Variants in NIPBL observed in about 807,000 individuals in gnomAD.
NIPBL encodes NIPBL cohesin loading factor.
Under a neutral mutation model 321.8 loss-of-function variants are expected in NIPBL, and 19 were observed. The observed-to-expected ratio is 0.06, with a 90% CI of 0.04 to 0.09. The LOEUF is 0.09. Ranked by LOEUF, NIPBL falls within the 10% of genes least tolerant of loss-of-function variation. The pLI, the probability that NIPBL is intolerant of heterozygous loss-of-function variation, is 1.00. For missense variants in NIPBL, 2,210 were observed against 3,327.0 expected (o/e 0.66, Z 8.26); for synonymous variants, 1,106 against 1,114.1 (o/e 0.99, Z 0.14).
At chr5:36,925,633 C>T (rs168662) in intron 1 of NIPBL, among the ~76,000 whole-genome samples, 80,722 of 151,942 alleles carry the variant, frequency 0.53, 22,475 homozygotes, top group African/African-American at 0.7. Context: ...TGAGGAAACC[C>T]TCAAAGAGAC....
At chr5:36,975,636 T>G in intron 8 of NIPBL, 140 bp from the exon 9 acceptor site, 1 of 832,550 alleles carries the variant, frequency 1.2e-6, no homozygotes, top group South Asian at 1.9e-5. Context: ...CTTTTCATCT[T>G]TCGTAAATAA....
At position 36,995,746 on chromosome 5, in the gene NIPBL, G is replaced by C; in HGVS notation, c.3246G>C (p.Lys1082Asn). 1 of 1,613,854 alleles carries C rather than the reference G, an allele frequency of 6.2e-7. No homozygotes were observed. Among genetic ancestry groups the C allele is most frequent in the Non-Finnish European group, 8.5e-7 (1 of 1,179,846 alleles). The change falls in exon 11 of 47, where the codon AAG (lysine) becomes AAC (asparagine). Residue 1082 changes from lysine (K) to asparagine (N), a missense_variant. By Grantham distance (94) the Lys-to-Asn change is moderately conservative. Transcript: ENST00000282516. ...NKRKRSTVNEKPKYAEISSDE... is the reference protein window; with the variant it reads ...NKRKRSTVNENPKYAEISSDE... ...GCAAGCGTAGCACAGTTAATGAAAA[G>C]CCAAAATATGCTGAAATCAGTTCAG...
chr5:36,941,782 A>G (rs887062923), intron 1 of NIPBL, among the ~76,000 whole-genome samples: 1 of 152,140 alleles, frequency 6.6e-6, no homozygotes, highest in Admixed American at 6.5e-5. Flanking sequence ...TTAAAAAATT[A>G]TTTTTCTAAT....
At chr5:37,011,552 C>CT (rs1748128157) in intron 21 of NIPBL, among the ~76,000 whole-genome samples, 1 of 152,100 alleles carries the variant, frequency 6.6e-6, no homozygotes, top group Non-Finnish European at 1.5e-5. Context: ...GAGAACCTGT[C>CT]TAAAAATGAA....
intron 8 of NIPBL, among the ~76,000 whole-genome samples, 183 bp downstream of exon 8, chr5:36,972,224 C>A (rs755721156): frequency 6.6e-6 from 1 of 151,986 alleles, no homozygotes; most frequent in Non-Finnish European, 1.5e-5. Context: ...TTCATTGATT[C>A]ATTTATCTTC....
In NIPBL at chr5:36,986,160, G is replaced by A. The variant is rs760771193; in HGVS notation, c.2980G>A (p.Asp994Asn). The change falls in exon 10 of 47, where the codon GAT becomes AAT. Residue 994 changes from aspartate (D) to asparagine (N), a missense_variant. Physicochemically the swap from Asp to Asn is conservative, Grantham distance 23 (BLOSUM62 1). Coordinates refer to ENST00000282516, the MANE Select transcript of NIPBL (RefSeq NM_133433.4). ...DKVEKIGLVE[D>N]LNKGAKPVVV... ...AGTAGAAAAAATAGGATTAGTTGAA[G>A]ATCTAAATAAAGGAGCTAAGCCTGT... 6.2e-7 allele frequency: 1 copy of A among 1,613,740 alleles called. No individual in the cohort carries two copies. The highest frequency in any genetic ancestry group is 8.5e-7 in the Non-Finnish European group (1 of 1,179,860).
intron 1 of NIPBL, among the ~76,000 whole-genome samples, chr5:36,908,637 G>A (rs1747822679): frequency 6.6e-6 from 1 of 151,712 alleles, no homozygotes; most frequent in Non-Finnish European, 1.5e-5. Flanking sequence ...AGAACTTTAG[G>A]CATTAAAAAA....
rs777676457 is a variant in NIPBL, at chr5:36,961,534, C to T, written c.409C>T (p.Pro137Ser). Residue 137 changes from proline to serine, a missense_variant, in exon 5 of 47, where the codon CCT (proline) becomes TCT (serine). Pro to Ser is a moderately conservative substitution (Grantham distance 74). Transcript: ENST00000282516. ...KLSQNSMHSSPASSNYQQTTI... is the reference protein window; with the variant it reads ...KLSQNSMHSSSASSNYQQTTI... ...TTCTCAGAATTCCATGCACAGTAGT[C>T]CTGCATCTTCCAATTATCAACAAAC... The T allele has an allele frequency of 1.2e-6, 2 of 1,612,208 alleles. No individual in the cohort carries two copies. The highest frequency in any genetic ancestry group is 4.5e-5 in the East Asian group (2 of 44,748).
intron 1 of NIPBL, among the ~76,000 whole-genome samples, chr5:36,914,074 C>T (rs1206413142): frequency 6.6e-6 from 1 of 152,136 alleles, no homozygotes; most frequent in Admixed American, 6.5e-5. Context: ...GAACATTAGT[C>T]CTCCACGGTG....
intron 6 of NIPBL, among the ~76,000 whole-genome samples, chr5:36,970,486 T>C (rs1742734409): frequency 6.6e-6 from 1 of 150,822 alleles, no homozygotes; most frequent in Non-Finnish European, 1.5e-5. Context: ...TAGATACATA[T>C]ATCATCTATA....
chr5:37,049,535 T>C (rs551875712), intron 40 of NIPBL, among the ~76,000 whole-genome samples: 1 of 152,346 alleles, frequency 6.6e-6, no homozygotes, highest in South Asian at 2.1e-4. Flanking sequence ...GCAGAACATA[T>C]ACTCAAATTA....
intron 42 of NIPBL, among the ~76,000 whole-genome samples, 185 bp from the exon 43 acceptor site, chr5:37,057,001 A>G (rs1416306888): frequency 7.2e-6 from 1 of 139,200 alleles, no homozygotes; most frequent in Non-Finnish European, 1.6e-5. Flanking sequence ...CCCCCTCTAT[A>G]TTTCTCTCCC....
intron 1 of NIPBL, among the ~76,000 whole-genome samples, chr5:36,895,051 A>C (rs887231085): frequency 5.9e-5 from 9 of 152,138 alleles, no homozygotes; most frequent in Non-Finnish European, 1.3e-4. Context: ...AAACTCAGTG[A>C]TTTTTAGTAT....
intron 1 of NIPBL, among the ~76,000 whole-genome samples, chr5:36,881,622 A>G (rs1180160047): frequency 6.6e-6 from 1 of 151,970 alleles, no homozygotes; most frequent in Non-Finnish European, 1.5e-5. Context: ...TCTGATTTAC[A>G]TTTGTTCTTA....
intron 1 of NIPBL, among the ~76,000 whole-genome samples, chr5:36,884,985 A>G (rs1745781389): frequency 6.6e-6 from 1 of 152,210 alleles, no homozygotes; most frequent in Non-Finnish European, 1.5e-5. Flanking sequence ...AGGCAGTATA[A>G]TTGGAGTAAG....
At chr5:36,990,070 G>A (rs1360782517) in intron 10 of NIPBL, among the ~76,000 whole-genome samples, 1 of 151,828 alleles carries the variant, frequency 6.6e-6, no homozygotes, top group African/African-American at 2.4e-5. Context: ...TGTGGACTCA[G>A]TGCTTTCAAG....
At chr5:36,906,023 C>T (rs1033701915) in intron 1 of NIPBL, among the ~76,000 whole-genome samples, 2 of 151,978 alleles carry the variant, frequency 1.3e-5, no homozygotes, top group African/African-American at 4.8e-5. Context: ...GGATTACAGG[C>T]GTGAGCCACT....
chr5:36,896,587 A>G (rs898804488), intron 1 of NIPBL, among the ~76,000 whole-genome samples: 2 of 152,070 alleles, frequency 1.3e-5, no homozygotes, highest in South Asian at 2.1e-4. Context: ...TTAAAGCCCT[A>G]ATTTCCTTTA....
At chr5:37,053,297 A>G (rs1753763292) in intron 42 of NIPBL, among the ~76,000 whole-genome samples, 2 of 151,782 alleles carry the variant, frequency 1.3e-5, no homozygotes, top group South Asian at 4.2e-4. Flanking sequence ...ATGTACCTAA[A>G]CATATCTAAA....
Sources: allele counts gnomAD v4.1 joint callset (sites outside exome capture counted in the v4.1 genomes callset), GRCh38; gene constraint gnomAD v4.1.1; transcripts MANE v1.5; gene names NCBI Gene and HGNC (gene_info 2026-07-23, HGNC 2026-07-21).